Variants in UNC5D observed in about 807,000 individuals in gnomAD.
UNC5D encodes unc-5 netrin receptor D, also known as netrin receptor UNC5D.
UNC5D carries 39 observed loss-of-function variants against 105.4 expected under a neutral mutation model. The observed-to-expected ratio is 0.37, with a 90% CI of 0.29 to 0.48. The LOEUF (loss-of-function observed/expected upper bound fraction) is 0.48, where lower values mean the gene tolerates loss of function less well. UNC5D is among the 20% of genes least tolerant of loss of function. The pLI is 0.98. For missense variants in UNC5D, 991 were observed against 1,202.4 expected (o/e 0.82, Z 2.60); for synonymous variants, 452 against 450.4 (o/e 1.00, Z -0.04).
chr8:35,710,927 C>T (rs930541482), intron 8 of UNC5D, among the ~76,000 whole-genome samples: 1 of 136,586 alleles, frequency 7.3e-6, no homozygotes, highest in African/African-American at 3.4e-5. Context: ...AGTAGCTCAG[C>T]ATTATTCTTT....
At position 35,648,571 on chromosome 8, in the gene UNC5D, C is replaced by G. The variant is rs996700900; in HGVS notation, c.571-34976C>G. Among the ~76,000 whole-genome samples the G allele has an allele frequency of 2.0e-5, 3 of 147,808 alleles. No individual in the cohort carries two copies. In the Admixed American group the frequency reaches 2.1e-4, roughly 10 times the overall value. On this transcript the variant is annotated intron_variant, in intron 4 of 16. Coordinates refer to ENST00000404895, the MANE Select transcript of UNC5D (RefSeq NM_080872.4). ...GCAGGCACCTGCAATCCCAGCTATTCGGGAGGCTGAGGCTGGAGAATGGCT... is the reference window on the plus strand; with the variant it reads ...GCAGGCACCTGCAATCCCAGCTATTGGGGAGGCTGAGGCTGGAGAATGGCT...
chr8:35,336,222 G>A (rs1333170684), intron 1 of UNC5D, among the ~76,000 whole-genome samples: 2 of 152,080 alleles, frequency 1.3e-5, no homozygotes, highest in Non-Finnish European at 2.9e-5. Context: ...TCTTTGGTTG[G>A]TGCATTGTAA....
intron 10 of UNC5D, among the ~76,000 whole-genome samples, chr8:35,728,063 G>T (rs1828972329): frequency 2.2e-5 from 2 of 92,446 alleles, no homozygotes; most frequent in Admixed American, 1.6e-4. Flanking sequence ...ATAGCAAGTT[G>T]CTGTCTCTAA....
intron 1 of UNC5D, among the ~76,000 whole-genome samples, chr8:35,445,739 A>AG (rs1807739547): frequency 6.6e-6 from 1 of 152,058 alleles, no homozygotes; most frequent in African/African-American, 2.4e-5. Flanking sequence ...ACTCTTCGGG[A>AG]GGAACCCATC....
chr8:35,418,532 C>A (rs1259982707), intron 1 of UNC5D, among the ~76,000 whole-genome samples: 3 of 152,148 alleles, frequency 2.0e-5, no homozygotes, highest in Non-Finnish European at 4.4e-5. Flanking sequence ...CAGGAAGCAT[C>A]TCTGATGAAT....
intron 1 of UNC5D, among the ~76,000 whole-genome samples, chr8:35,288,554 A>G (rs1480039838): frequency 2.0e-5 from 3 of 152,216 alleles, no homozygotes; most frequent in South Asian, 2.1e-4. Context: ...ATGCCTGGTC[A>G]TACTCTGAAT....
intron 1 of UNC5D, among the ~76,000 whole-genome samples, chr8:35,384,078 T>G (rs1442399790): frequency 1.3e-5 from 2 of 151,896 alleles, no homozygotes; most frequent in Non-Finnish European, 2.9e-5. Flanking sequence ...TAGCCAGGCA[T>G]GGTGGCGGGC....
intron 1 of UNC5D, among the ~76,000 whole-genome samples, chr8:35,365,654 A>T (rs146245662): frequency 6.7e-4 from 100 of 148,326 alleles, no homozygotes; most frequent in African/African-American, 2.4e-3. Flanking sequence ...GGTCACTTGC[A>T]GGCAGAGGAG....
intron 1 of UNC5D, among the ~76,000 whole-genome samples, chr8:35,239,208 G>T (rs1482402153): frequency 6.6e-6 from 1 of 152,040 alleles, no homozygotes; most frequent in African/African-American, 2.4e-5. Flanking sequence ...CCTATCGGTG[G>T]GTCTGTGGTT....
intron 1 of UNC5D, among the ~76,000 whole-genome samples, chr8:35,299,050 G>A (rs1311438408): frequency 1.3e-5 from 2 of 152,156 alleles, no homozygotes; most frequent in Non-Finnish European, 2.9e-5. Context: ...GATATGCCTG[G>A]TGCTGATAAT....
At chr8:35,679,719 T>C (rs747615935) in intron 4 of UNC5D, among the ~76,000 whole-genome samples, 6 of 152,112 alleles carry the variant, frequency 3.9e-5, no homozygotes, top group Admixed American at 3.3e-4. Flanking sequence ...GACAGACCAG[T>C]TGGTGAAGAA....
chr8:35,758,022 A>T (rs1830590596), intron 13 of UNC5D, among the ~76,000 whole-genome samples: 1 of 152,160 alleles, frequency 6.6e-6, no homozygotes, highest in South Asian at 2.1e-4. Context: ...ACCATAATGG[A>T]CCACACAGAG....
chr8:35,643,969 A>C, intron 4 of UNC5D, among the ~76,000 whole-genome samples: 1 of 152,114 alleles, frequency 6.6e-6, no homozygotes, highest in Admixed American at 6.6e-5. Context: ...TTACACCTAC[A>C]CAAAACAAGT....
intron 1 of UNC5D, among the ~76,000 whole-genome samples, chr8:35,335,822 G>A (rs1810987321): frequency 2.2e-5 from 3 of 138,558 alleles, no homozygotes; most frequent in African/African-American, 5.5e-5. Context: ...GGAGTGCAGT[G>A]GCACGATCTC....
At chr8:35,271,719 ATG>A (rs1805395676) in intron 1 of UNC5D, among the ~76,000 whole-genome samples, 1 of 48,184 alleles carries the variant, frequency 2.1e-5, no homozygotes, top group African/African-American at 9.7e-5. Flanking sequence ...ATATTTATAC[ATG>A]TATACATGTA....
At position 35,603,140 on chromosome 8, in the gene UNC5D, C is replaced by G. The variant is rs551327763; in HGVS notation, c.570+7483C>G. ...CTAGTTCTTTTAATTGTGATGTTAGCGTGTCAATTTTAGATCTTTCCTGCT... is the reference window on the plus strand; with the variant it reads ...CTAGTTCTTTTAATTGTGATGTTAGGGTGTCAATTTTAGATCTTTCCTGCT... On this transcript the variant is annotated intron_variant, in intron 4 of 16. Transcript: ENST00000404895. Among the ~76,000 whole-genome samples, 31 of 151,614 alleles carry G rather than the reference C, an allele frequency of 2.0e-4. No individual in the cohort carries two copies. In the East Asian group the frequency reaches 3.7e-3, roughly 18 times the overall value.
chr8:35,711,142 G>C (rs1252032464), intron 8 of UNC5D, among the ~76,000 whole-genome samples: 1 of 150,328 alleles, frequency 6.7e-6, no homozygotes, highest in Admixed American at 6.6e-5. Flanking sequence ...CACTTAACAT[G>C]TATATGATCT....
At chr8:35,479,588 C>A (rs1810342346) in intron 1 of UNC5D, among the ~76,000 whole-genome samples, 1 of 152,068 alleles carries the variant, frequency 6.6e-6, no homozygotes, top group Admixed American at 6.5e-5. Flanking sequence ...TGCATATACA[C>A]CATGGAATAG....
intron 1 of UNC5D, among the ~76,000 whole-genome samples, chr8:35,286,323 T>G (rs1363402861): frequency 1.3e-5 from 2 of 152,094 alleles, no homozygotes; most frequent in Non-Finnish European, 2.9e-5. Flanking sequence ...ATTCAAGAAC[T>G]TGGGAGTGAG....
Sources: gnomAD v4.1 joint callset for allele counts (sites outside exome capture counted in the v4.1 genomes callset) on GRCh38, gnomAD v4.1.1 for gene constraint, MANE v1.5 for transcripts, NCBI Gene and HGNC (gene_info 2026-07-23, HGNC 2026-07-21) for gene names.